The following CNTN5 variants were observed in gnomAD, a reference collection of about 807,000 sequenced individuals.
CNTN5 encodes the protein contactin-5.
Under a neutral mutation model 129.1 loss-of-function variants are expected in CNTN5, and 77 were observed. The ratio of observed to expected loss-of-function variants is 0.60; its 90% CI spans 0.50 to 0.72. The LOEUF is 0.72. Among genes scored for constraint, CNTN5 ranks in the 30% least tolerant of loss-of-function variants. The pLI, the probability that CNTN5 is intolerant of heterozygous loss-of-function variation, is 0.00. For synonymous variants in CNTN5, 509 were observed against 465.6 expected (o/e 1.09, Z -1.20); for missense variants, 1,478 against 1,328.8 (o/e 1.11, Z -1.75).
intron 4 of CNTN5, among the ~76,000 whole-genome samples, chr11:99,833,612 T>C (rs1212998756): frequency 6.6e-6 from 1 of 152,144 alleles, no homozygotes; most frequent in Non-Finnish European, 1.5e-5. Context: ...CATTTTTGAA[T>C]TATAATATTT....
chr11:99,142,938 T>A (rs1277417125), intron 1 of CNTN5, among the ~76,000 whole-genome samples: 1 of 152,182 alleles, frequency 6.6e-6, no homozygotes, highest in Non-Finnish European at 1.5e-5. Flanking sequence ...GGACTAGTCC[T>A]GGTGCTCAGC....
chr11:99,223,915 C>T (rs1487549670), intron 1 of CNTN5, among the ~76,000 whole-genome samples: 1 of 152,178 alleles, frequency 6.6e-6, no homozygotes, highest in African/African-American at 2.4e-5. Flanking sequence ...GTTCCCTTAA[C>T]CATTCATTAT....
At chr11:99,141,681 C>T (rs1859523440) in intron 1 of CNTN5, among the ~76,000 whole-genome samples, 1 of 152,046 alleles carries the variant, frequency 6.6e-6, no homozygotes, top group Non-Finnish European at 1.5e-5. Context: ...CGCAGAGTTT[C>T]TAGTATGTTG....
At chr11:99,939,502 C>T (rs1950387341) in intron 7 of CNTN5, among the ~76,000 whole-genome samples, 1 of 151,968 alleles carries the variant, frequency 6.6e-6, no homozygotes, top group Admixed American at 6.6e-5. Flanking sequence ...CAGAATCAAA[C>T]AACTGAAAAA....
At chr11:99,282,757 A>G (rs1863757273) in intron 1 of CNTN5, among the ~76,000 whole-genome samples, 1 of 152,070 alleles carries the variant, frequency 6.6e-6, no homozygotes, top group Non-Finnish European at 1.5e-5. Flanking sequence ...TAACTTAAAC[A>G]GGAAAGCGTT....
At chr11:99,470,814 A>T (rs199590560) in intron 2 of CNTN5, among the ~76,000 whole-genome samples, 2 of 149,726 alleles carry the variant, frequency 1.3e-5, no homozygotes, top group East Asian at 1.9e-4. Flanking sequence ...TCACAAATTT[A>T]TTTTTTTTTA....
intron 18 of CNTN5, among the ~76,000 whole-genome samples, chr11:100,272,242 C>T (rs575271173): frequency 6.6e-6 from 1 of 152,214 alleles, no homozygotes; most frequent in African/African-American, 2.4e-5. Flanking sequence ...TACTGGTACT[C>T]AGCATGTCAT....
At chr11:99,666,125 G>A (rs1219135430) in intron 3 of CNTN5, among the ~76,000 whole-genome samples, 3 of 151,928 alleles carry the variant, frequency 2.0e-5, no homozygotes, top group Non-Finnish European at 2.9e-5. Flanking sequence ...GTGTCACCAC[G>A]CCCGGCTGAT....
chr11:100,292,583 A>G (rs546178174), intron 18 of CNTN5, among the ~76,000 whole-genome samples: 7 of 152,006 alleles, frequency 4.6e-5, no homozygotes, highest in Non-Finnish European at 7.4e-5. Context: ...GAACTTCTCT[A>G]TAGTGGTTGT....
chr11:99,874,175 A>C (rs1024298438), intron 6 of CNTN5, among the ~76,000 whole-genome samples: 6 of 152,156 alleles, frequency 3.9e-5, no homozygotes, highest in African/African-American at 9.7e-5. Flanking sequence ...CCATGTGACA[A>C]ACAAGCACAT....
chr11:99,321,573 G>A (rs555155175), intron 1 of CNTN5, among the ~76,000 whole-genome samples: 1 of 152,156 alleles, frequency 6.6e-6, no homozygotes, highest in East Asian at 1.9e-4. Flanking sequence ...TGTTATCCAA[G>A]TTCTGTGTCA....
intron 2 of CNTN5, among the ~76,000 whole-genome samples, chr11:99,377,580 C>T (rs956620176): frequency 2.0e-5 from 3 of 152,024 alleles, no homozygotes; most frequent in Non-Finnish European, 4.4e-5. Flanking sequence ...TTGGTTTCAT[C>T]ATTTAGACTT....
intron 9 of CNTN5, among the ~76,000 whole-genome samples, chr11:100,056,120 T>C (rs1182338932): frequency 2.0e-5 from 3 of 151,708 alleles, no homozygotes; most frequent in Non-Finnish European, 3.0e-5. Context: ...TCTTTAAATG[T>C]CTATTTTATT....
chr11:99,439,446 G>A lies in CNTN5; in HGVS notation c.-71+113962G>A, dbSNP rs1050289400. ...TACATAGACAGGCGCGGTGGCTCAC[G>A]CCTGTAATCCCAACACTTTGGGAGG... is the stretch of plus-strand genomic sequence containing the variant. On this transcript the variant is annotated intron_variant, in intron 2 of 24. Transcript: ENST00000524871. Among the ~76,000 whole-genome samples, 16 of 151,950 alleles carry A rather than the reference G, an allele frequency of 1.1e-4. 1 individual carries two copies. The highest frequency in any genetic ancestry group is 3.1e-4 in the African/African-American group (13 of 41,380).
At chr11:100,354,598 A>G (rs1336723021) in intron 24 of CNTN5, among the ~76,000 whole-genome samples, 1 of 151,714 alleles carries the variant, frequency 6.6e-6, no homozygotes, top group Admixed American at 6.6e-5. Flanking sequence ...TTACTAGAGT[A>G]AGCATAGTCA....
At chr11:99,897,933 T>A (rs1225525776) in intron 6 of CNTN5, among the ~76,000 whole-genome samples, 2 of 152,082 alleles carry the variant, frequency 1.3e-5, no homozygotes, top group Admixed American at 1.3e-4. Context: ...AGGCTCAAAG[T>A]AAATGGTTGG....
chr11:99,136,737 C>T (rs1386776922), intron 1 of CNTN5, among the ~76,000 whole-genome samples: 1 of 151,692 alleles, frequency 6.6e-6, no homozygotes, highest in Non-Finnish European at 1.5e-5. Context: ...CTGCAATTGT[C>T]GCAGACTACA....
intron 3 of CNTN5, among the ~76,000 whole-genome samples, chr11:99,749,656 TC>T: frequency 6.6e-6 from 1 of 152,370 alleles, no homozygotes; most frequent in Non-Finnish European, 1.5e-5. Flanking sequence ...TAAAATGCTA[TC>T]TGAATCTGGA....
intron 13 of CNTN5, among the ~76,000 whole-genome samples, chr11:100,145,647 C>A (rs1946827281): frequency 6.6e-6 from 1 of 152,138 alleles, no homozygotes; most frequent in Admixed American, 6.6e-5. Context: ...TGAGCCATTA[C>A]TATCATCTTA....
Sources: gnomAD v4.1 joint callset for allele counts (sites outside exome capture counted in the v4.1 genomes callset) on GRCh38, gnomAD v4.1.1 for gene constraint, MANE v1.5 for transcripts, NCBI Gene and HGNC (gene_info 2026-07-23, HGNC 2026-07-21) for gene names.